Variants in B3GALT1 observed in about 807,000 individuals in gnomAD.
B3GALT1 encodes the protein UDP-Gal:betaGlcNAc beta 1,3-galactosyltransferase, polypeptide 1.
In B3GALT1, 10 loss-of-function variants were observed where a neutral mutation model predicts 23.2. That is an observed-to-expected ratio of 0.43 (90% CI 0.27 to 0.73). The LOEUF is 0.73. Among genes scored for constraint, B3GALT1 ranks in the 30% least tolerant of loss-of-function variants. The pLI is 0.21. For missense variants in B3GALT1, 299 were observed against 405.4 expected (o/e 0.74, Z 2.25); for synonymous variants, 156 against 141.5 (o/e 1.10, Z -0.73).
In B3GALT1 at chr2:167,840,656, C is replaced by T. The variant is rs375756881; in HGVS notation, c.-230+21863C>T. Reference sequence around the variant, plus strand: ...ATCTAGAACTAGAAATACCATTTGACCCAGCCATCCCATTACTGGCTATAT... The same window carrying T: ...ATCTAGAACTAGAAATACCATTTGATCCAGCCATCCCATTACTGGCTATAT... On this transcript the variant is annotated intron_variant, in intron 4 of 4. Transcript: ENST00000392690. Among the ~76,000 whole-genome samples, 241 of 151,512 alleles carry T rather than the reference C, an allele frequency of 1.6e-3. 3 individuals carry two copies. The highest frequency in any genetic ancestry group is 5.1e-3 in the African/African-American group (211 of 41,202).
At chr2:167,446,618 C>A (rs546761778) in intron 1 of B3GALT1, among the ~76,000 whole-genome samples, 2 of 152,144 alleles carry the variant, frequency 1.3e-5, no homozygotes, top group Non-Finnish European at 2.9e-5. Context: ...TTCATTTGGT[C>A]TTCAGTCACT....
At chr2:167,475,969 A>G (rs910578738) in intron 1 of B3GALT1, among the ~76,000 whole-genome samples, 16 of 152,118 alleles carry the variant, frequency 1.1e-4, no homozygotes, top group Admixed American at 7.2e-4. Context: ...TTCTGTGTGC[A>G]TGTCTGTGTC....
chr2:167,416,149 G>A (rs955383483), intron 1 of B3GALT1, among the ~76,000 whole-genome samples: 72 of 152,172 alleles, frequency 4.7e-4, no homozygotes, highest in African/African-American at 1.7e-3. Context: ...GAAGACCCTG[G>A]AAGCATTTCT....
intron 2 of B3GALT1, among the ~76,000 whole-genome samples, chr2:167,612,020 T>TA (rs1685076072): frequency 6.6e-6 from 1 of 152,052 alleles, no homozygotes; most frequent in African/African-American, 2.4e-5. Context: ...CTAACGTTAC[T>TA]GGCAGATAGC....
chr2:167,609,565 G>A (rs778169890), intron 2 of B3GALT1, among the ~76,000 whole-genome samples: 10 of 152,068 alleles, frequency 6.6e-5, no homozygotes, highest in Non-Finnish European at 8.8e-5. Flanking sequence ...TCCAGTGGTT[G>A]TTACATACTA....
chr2:167,702,729 T>G lies in B3GALT1; in HGVS notation c.-352+55763T>G, dbSNP rs561995965. On this transcript the variant is annotated intron_variant, in intron 3 of 4. Transcript: ENST00000392690. ...TATAATAAAACGGAAACAGTGTTAC[T>G]TGATTTATAGTCCTCTAATTCAGGC... 2.6e-5 allele frequency among the ~76,000 whole-genome samples: 4 copies of G among 152,338 alleles called. No homozygotes were observed. The East Asian group carries it at 7.7e-4, about 29-fold the overall frequency.
intron 1 of B3GALT1, among the ~76,000 whole-genome samples, chr2:167,461,722 T>A (rs913344584): frequency 6.6e-6 from 1 of 152,220 alleles, no homozygotes; most frequent in Admixed American, 6.5e-5. Flanking sequence ...TTCTTTTCTA[T>A]TTGGATTATT....
chr2:167,386,326 C>A (rs1697929493), intron 1 of B3GALT1, among the ~76,000 whole-genome samples: 1 of 151,934 alleles, frequency 6.6e-6, no homozygotes, highest in African/African-American at 2.4e-5. Context: ...GCTTCCCAAA[C>A]CCAGGTGATT....
At chr2:167,498,750 T>C (rs982298120) in intron 2 of B3GALT1, among the ~76,000 whole-genome samples, 4 of 152,094 alleles carry the variant, frequency 2.6e-5, no homozygotes, top group African/African-American at 9.7e-5. Context: ...AAGATGCAAT[T>C]CATATTCCAA....
chr2:167,523,636 G>T (rs1456831405), intron 2 of B3GALT1, among the ~76,000 whole-genome samples: 2 of 152,082 alleles, frequency 1.3e-5, no homozygotes, highest in African/African-American at 2.4e-5. Context: ...CCTTGGCGAG[G>T]CTGGTCTCGA....
intron 3 of B3GALT1, chr2:167,715,348 A>C: frequency 6.2e-7 from 1 of 1,613,868 alleles, no homozygotes; most frequent in Admixed American, 1.7e-5. Context: ...TCTGTTTATT[A>C]AGTTCAGTCA....
At chr2:167,393,932 A>G (rs1242849976) in intron 1 of B3GALT1, among the ~76,000 whole-genome samples, 1 of 152,196 alleles carries the variant, frequency 6.6e-6, no homozygotes, top group African/African-American at 2.4e-5. Context: ...TAATTTTTAC[A>G]ATGTATTACT....
intron 3 of B3GALT1, chr2:167,714,421 TGAGAG>T: frequency 6.4e-7 from 1 of 1,561,986 alleles, no homozygotes; most frequent in East Asian, 2.2e-5. Context: ...GAAGCACAGG[TGAGAG>T]TCTGAGTGGA....
At chr2:167,378,732 A>G (rs1164331439) in intron 1 of B3GALT1, among the ~76,000 whole-genome samples, 1 of 152,036 alleles carries the variant, frequency 6.6e-6, no homozygotes, top group African/African-American at 2.4e-5. Context: ...TTGCTTTAGA[A>G]GTTTCTTTGT....
intron 4 of B3GALT1, among the ~76,000 whole-genome samples, chr2:167,822,492 G>A (rs1349599722): frequency 1.3e-5 from 2 of 152,150 alleles, no homozygotes; most frequent in African/African-American, 4.8e-5. Context: ...TACTCACGGT[G>A]GAGGGTGGGA....
At chr2:167,825,462 A>ATGCG in intron 4 of B3GALT1, among the ~76,000 whole-genome samples, 1 of 137,238 alleles carries the variant, frequency 7.3e-6, no homozygotes, top group Admixed American at 7.0e-5. Flanking sequence ...GTGTGCGTGC[A>ATGCG]CGTGTGTGTG....
intron 2 of B3GALT1, among the ~76,000 whole-genome samples, chr2:167,529,764 C>A (rs1683290070): frequency 6.6e-6 from 1 of 151,748 alleles, no homozygotes; most frequent in South Asian, 2.1e-4. Context: ...AGCTTAACCA[C>A]TTCTCACCCC....
intron 3 of B3GALT1, among the ~76,000 whole-genome samples, chr2:167,792,167 G>A (rs972083327): frequency 6.6e-6 from 1 of 152,132 alleles, no homozygotes; most frequent in Admixed American, 6.5e-5. Context: ...AACTAAAGGT[G>A]AAGAAAGCAG....
At chr2:167,301,575 G>C (rs1197300864) in intron 1 of B3GALT1, among the ~76,000 whole-genome samples, 3 of 152,106 alleles carry the variant, frequency 2.0e-5, no homozygotes, top group African/African-American at 7.2e-5. Flanking sequence ...TATTGAGATG[G>C]AGTCTTGTTC....
Sources: gnomAD v4.1 joint callset for allele counts (sites outside exome capture counted in the v4.1 genomes callset) on GRCh38, gnomAD v4.1.1 for gene constraint, MANE v1.5 for transcripts, NCBI Gene and HGNC (gene_info 2026-07-23, HGNC 2026-07-21) for gene names.